The following CFHR3 variants were observed in gnomAD, a reference collection of about 807,000 sequenced individuals.
The protein encoded by CFHR3 is complement factor H related 3.
A neutral mutation model predicts 36.0 loss-of-function variants in CFHR3; 22 were observed. That is an observed-to-expected ratio of 0.61 (90% CI 0.44 to 0.87). The LOEUF is 0.87. Among genes scored for constraint, CFHR3 ranks in the 40% least tolerant of loss-of-function variants. CFHR3 has a pLI of 0.00. For missense variants in CFHR3, 276 were observed against 401.3 expected (o/e 0.69, Z 2.67); for synonymous variants, 97 against 137.4 (o/e 0.71, Z 2.06).
At chr1:196,789,018 G>A (rs386185) in intron 4 of CFHR3, 293,471 of 1,270,358 alleles carry the variant, frequency 0.23, 69,299 homozygotes, top group African/African-American at 0.54. Flanking sequence ...TTCTCTGAAC[G>A]TGCTCGACCT....
rs1332594289 is a variant in CFHR3 at position 196,783,667 on chromosome 1, T to C, written c.430+3694T>C. Among the ~76,000 whole-genome samples the C allele has an allele frequency of 2.2e-4, 30 of 135,894 alleles. 8 individuals are homozygous for C. The highest frequency in any genetic ancestry group is 9.0e-4 in the African/African-American group (29 of 32,082). The allele number at this position is 135,894 out of a possible 152,430, so 89.2% of individuals were successfully genotyped here. ...TGGTGATATCCCCTTTATCATTTTT[T>C]ATTGTGTCTATTTGATTCATCTCTC... is the stretch of plus-strand genomic sequence containing the variant. On this transcript the variant is annotated intron_variant, in intron 3 of 5. Coordinates refer to ENST00000367425, the MANE Select transcript of CFHR3 (RefSeq NM_021023.6).
At position 196,777,393 on chromosome 1, in the gene CFHR3, T is replaced by C. The variant is rs1397833577; in HGVS notation, c.59-1769T>C. The stretch of plus-strand genomic sequence containing the variant: ...AGAGTAGGGTTGCCTCTAAATTCCT[T>C]TTAAACTGATCATTTTCAGTACCCA... On this transcript the variant is annotated intron_variant, in intron 1 of 5. Coordinates refer to ENST00000367425, the MANE Select transcript of CFHR3 (RefSeq NM_021023.6). Among the ~76,000 whole-genome samples the C allele has an allele frequency of 4.4e-5, 6 of 136,930 alleles. 2 individuals carry two copies. Among genetic ancestry groups the C allele is most frequent in the African/African-American group, 1.8e-4 (6 of 32,826 alleles). 89.8% of individuals were successfully genotyped at this position (136,930 alleles called of 152,430 possible).
In CFHR3 at chr1:196,783,252, G is replaced by C. The variant is rs1243749417; in HGVS notation, c.430+3279G>C. On this transcript the variant is annotated intron_variant, in intron 3 of 5. Transcript: ENST00000367425. Reference sequence around the variant, plus strand: ...GTATCAATATTAATCAAGGATATTGGTCTAAAATTATCTTTTTTGGTTGTG... The same window carrying C: ...GTATCAATATTAATCAAGGATATTGCTCTAAAATTATCTTTTTTGGTTGTG... 1.5e-5 allele frequency among the ~76,000 whole-genome samples: 2 copies of C among 136,708 alleles called. 1 individual carries two copies. The highest frequency in any genetic ancestry group is 3.1e-5 in the Non-Finnish European group (2 of 64,568). The allele number at this position is 136,708 out of a possible 152,430, so 89.7% of individuals were successfully genotyped here.
Position 196,794,320 on chromosome 1 carries a change from C to T in CFHR3, c.*807C>T, listed in dbSNP as rs539217318. ...TCTACTAAAAATAGAAAAACTAGCT[C>T]GGCATGATGGCGTGCACCTGTAGTC... On this transcript the variant is annotated 3_prime_UTR_variant, in exon 6 of 6. Coordinates refer to ENST00000367425, the MANE Select transcript of CFHR3 (RefSeq NM_021023.6). Among the ~76,000 whole-genome samples the T allele has an allele frequency of 7.4e-6, 1 of 135,880 alleles. No individual in the cohort carries two copies. Among genetic ancestry groups the T allele is most frequent in the South Asian group, 2.6e-4 (1 of 3,900 alleles). The allele number at this position is 135,880 out of a possible 152,430, so 89.1% of individuals were successfully genotyped here. A position where few individuals can be genotyped will look rare whatever the true frequency, so the allele number is the denominator to read the frequency against.
intron 4 of CFHR3, chr1:196,789,525 T>C: frequency 1.0e-6 from 1 of 961,180 alleles, no homozygotes; most frequent in Non-Finnish European, 1.3e-6. Flanking sequence ...TTATAGAACT[T>C]ATATCCAATT....
Position 196,780,621 on chromosome 1 carries a change from T to C in CFHR3, c.430+648T>C, listed in dbSNP as rs1349364110. On this transcript the variant is annotated intron_variant, in intron 3 of 5. Transcript: ENST00000367425. The stretch of plus-strand genomic sequence containing the variant: ...TCTTTTTGGGAGTTTTGGTTGTTAT[T>C]AGTTGGAATCATCTTAATAATTCTG... 2.2e-5 allele frequency among the ~76,000 whole-genome samples: 3 copies of C among 136,354 alleles called. 1 individual carries two copies. Among genetic ancestry groups the C allele is most frequent in the Non-Finnish European group, 4.7e-5 (3 of 64,404 alleles). 89.5% of individuals were successfully genotyped at this position (136,354 alleles called of 152,430 possible).
At chr1:196,779,393 C>A (rs1387510788) in intron 2 of CFHR3, 37 bp downstream of exon 2, 2 of 1,342,418 alleles carry the variant, frequency 1.5e-6, no homozygotes, top group Non-Finnish European at 2.1e-6. Flanking sequence ...ATGTATAAAA[C>A]TTTAAAAGAT....
chr1:196,790,809 A>G (rs1654402027), intron 5 of CFHR3, among the ~76,000 whole-genome samples: 1 of 133,732 alleles, frequency 7.5e-6, no homozygotes, highest in Admixed American at 7.2e-5. Context: ...AAAGAAAAAG[A>G]GAAAAAGAAA....
At chr1:196,791,284 A>G (rs1654419818) in intron 5 of CFHR3, among the ~76,000 whole-genome samples, 1 of 136,082 alleles carries the variant, frequency 7.3e-6, no homozygotes, top group Admixed American at 7.1e-5. Flanking sequence ...TTGTCCCCCA[A>G]GTACTATGAA....
At chr1:196,789,093 T>C in intron 4 of CFHR3, 1 of 1,086,412 alleles carries the variant, frequency 9.2e-7, no homozygotes, top group East Asian at 4.2e-5. Context: ...AAAAGTTGAT[T>C]TTTTTTCTTT....
intron 3 of CFHR3, among the ~76,000 whole-genome samples, chr1:196,784,109 A>G (rs1271573994): frequency 1.5e-5 from 2 of 135,646 alleles, no homozygotes; most frequent in Non-Finnish European, 3.1e-5. Flanking sequence ...GTAGTTGAGC[A>G]GTTTTGAGTG....
At chr1:196,785,337 C>T (rs1163905275) in intron 3 of CFHR3, among the ~76,000 whole-genome samples, 1 of 132,070 alleles carries the variant, frequency 7.6e-6, no homozygotes, top group Non-Finnish European at 1.6e-5. Context: ...TTTCCTGAAT[C>T]TGAATGTTGG....
At chr1:196,775,569 C>A (rs75703017) in intron 1 of CFHR3, among the ~76,000 whole-genome samples, 26,645 of 135,984 alleles carry the variant, frequency 0.2, 6,420 homozygotes, top group East Asian at 0.51. Flanking sequence ...AGTTCACTAG[C>A]AAATGTTCAA....
At chr1:196,786,637 C>T (rs1169724199) in intron 3 of CFHR3, among the ~76,000 whole-genome samples, 3 of 136,550 alleles carry the variant, frequency 2.2e-5, no homozygotes, top group Admixed American at 1.4e-4. Context: ...CCTGGTGTGC[C>T]GTTTTTTAAG....
rs546855407 is a variant in CFHR3 at position 196,779,532 on chromosome 1, T to C, written c.253+176T>C. 2.9e-5 allele frequency among the ~76,000 whole-genome samples: 4 copies of C among 137,068 alleles called. 1 individual carries two copies. The South Asian group carries it at 7.5e-4, about 26-fold the overall frequency. The allele number at this position is 137,068 out of a possible 152,430, so 89.9% of individuals were successfully genotyped here. A position where few individuals can be genotyped will look rare whatever the true frequency, so the allele number is the denominator to read the frequency against. On this transcript the variant is annotated intron_variant, in intron 2 of 5. Transcript: ENST00000367425. Reference sequence around the variant, plus strand: ...TTATGAGGAGTTCTTGAAAATCATATGAAAAATAAATATAGAGACTTTATG... The same window carrying C: ...TTATGAGGAGTTCTTGAAAATCATACGAAAAATAAATATAGAGACTTTATG...
chr1:196,786,614 A>G (rs200770617), intron 3 of CFHR3, among the ~76,000 whole-genome samples: 1 of 134,934 alleles, frequency 7.4e-6, no homozygotes, highest in East Asian at 2.0e-4. Context: ...GAGCCAGGTG[A>G]GCGATATAAT....
chr1:196,790,834 CAG>C (rs1297249690), intron 5 of CFHR3, among the ~76,000 whole-genome samples: 2 of 133,924 alleles, frequency 1.5e-5, no homozygotes, highest in African/African-American at 6.3e-5. Flanking sequence ...CAAGAATGTT[CAG>C]AGTCTTCAAT....
chr1:196,785,796 C>G (rs568121), intron 3 of CFHR3, among the ~76,000 whole-genome samples: 1 of 135,970 alleles, frequency 7.4e-6, no homozygotes, highest in African/African-American at 3.1e-5. Flanking sequence ...GCCTTCTTTT[C>G]TCAACTCGTC....
In CFHR3 at chr1:196,780,076, C is replaced by G. The variant is rs61234560; in HGVS notation, c.430+103C>G. The G allele has an allele frequency of 3.6e-3, 5,156 of 1,426,696 alleles. 1,335 individuals are homozygous for G. The African/African-American group carries it at 0.074, about 20-fold the overall frequency. 88.4% of individuals were successfully genotyped at this position (1,426,696 alleles called of 1,614,324 possible). A position where few individuals can be genotyped will look rare whatever the true frequency, so the allele number is the denominator to read the frequency against. On this transcript the variant is annotated intron_variant, in intron 3 of 5. Coordinates refer to ENST00000367425, the MANE Select transcript of CFHR3 (RefSeq NM_021023.6). ...ATTAACTGTGGCAAAATGTTTTTGT[C>G]AACTTGTTTTGCCAACGGACCTATT... is the stretch of plus-strand genomic sequence containing the variant.
Sources: gnomAD v4.1 joint callset for allele counts (sites outside exome capture counted in the v4.1 genomes callset) on GRCh38, gnomAD v4.1.1 for gene constraint, MANE v1.5 for transcripts, NCBI Gene and HGNC (gene_info 2026-07-23, HGNC 2026-07-21) for gene names.